Variants in CSDE1 observed in about 807,000 individuals in gnomAD.
CSDE1 encodes cold shock domain containing E1.
A neutral mutation model predicts 89.3 loss-of-function variants in CSDE1; 17 were observed. The observed-to-expected ratio is 0.19, with a 90% CI of 0.13 to 0.29. The LOEUF (loss-of-function observed/expected upper bound fraction) is 0.29. Ranked by LOEUF, CSDE1 falls within the 10% of genes least tolerant of loss-of-function variation. CSDE1 has a pLI of 1.00. For synonymous variants in CSDE1, 322 were observed against 332.8 expected (o/e 0.97, Z 0.35); for missense variants, 672 against 984.2 (o/e 0.68, Z 4.24).
intron 1 of CSDE1, among the ~76,000 whole-genome samples, chr1:114,751,044 A>G (rs1376920701): frequency 1.3e-5 from 2 of 152,200 alleles, no homozygotes; most frequent in Non-Finnish European, 2.9e-5. Flanking sequence ...GGTGTAGCGG[A>G]GCCCGATTAT....
chr1:114,753,996 T>C lies in CSDE1; in HGVS notation c.-387-3789A>G, dbSNP rs570721363. Reference sequence around the variant, plus strand: ...AATTTAAATGTGTATCTGAGAATCATACTGTGTGCTAAGTAATCAACTCCT... The same window carrying C: ...AATTTAAATGTGTATCTGAGAATCACACTGTGTGCTAAGTAATCAACTCCT... On this transcript the variant is annotated intron_variant, in intron 1 of 19. Transcript: ENST00000358528. Among the ~76,000 whole-genome samples, 6 of 152,344 alleles carry C rather than the reference T, an allele frequency of 3.9e-5. No homozygotes were observed. In the East Asian group the frequency reaches 9.6e-4, roughly 24 times the overall value.
chr1:114,727,271 C>T (rs551411995), intron 12 of CSDE1, among the ~76,000 whole-genome samples, 181 bp from the exon 13 acceptor site: 99 of 152,306 alleles, frequency 6.5e-4, no homozygotes, highest in African/African-American at 2.3e-3. Flanking sequence ...TTAAGCCTAG[C>T]TCAGTCTGCT....
At chr1:114,753,954 TAA>T (rs1661450451) in intron 1 of CSDE1, among the ~76,000 whole-genome samples, 1 of 152,100 alleles carries the variant, frequency 6.6e-6, no homozygotes, top group Non-Finnish European at 1.5e-5. Context: ...AGGGTACCAA[TAA>T]AAACACTAGG....
intron 19 of CSDE1, 40 bp downstream of exon 19, chr1:114,718,573 C>T: frequency 6.3e-7 from 1 of 1,597,394 alleles, no homozygotes; most frequent in Non-Finnish European, 8.5e-7. Flanking sequence ...TTATGTTGGT[C>T]TATCAGTTGG....
intron 2 of CSDE1, among the ~76,000 whole-genome samples, chr1:114,745,456 A>C (rs1364662869): frequency 6.6e-6 from 1 of 152,222 alleles, no homozygotes; most frequent in Non-Finnish European, 1.5e-5. Flanking sequence ...GTATGATTTC[A>C]AATGTATTTA....
At position 114,725,316 on chromosome 1, in the gene CSDE1, A is replaced by G. The variant is rs1161220398; in HGVS notation, c.1658T>C (p.Val553Ala). Reference protein sequence around the residue: ...FFHYSEFSGDVDSLELGDMVE... With the variant: ...FFHYSEFSGDADSLELGDMVE... ...CATGTCCCCCAGTTCCAGGCTATCA[A>G]CATCACCAGAGAACTCACTAAGGAG... is the stretch of plus-strand genomic sequence containing the variant. The change falls in exon 15 of 20, where the codon GTT (valine) becomes GCT (alanine). Residue 553 changes from valine (V) to alanine (A), a missense_variant. Around this residue, in one of 8 missense-constraint regions of CSDE1, gnomAD observed 206 missense variants for 332.4 expected, o/e 0.62. Transcript: ENST00000358528. 2 of 1,613,920 alleles carry G rather than the reference A, an allele frequency of 1.2e-6. No individual in the cohort carries two copies. The highest frequency in any genetic ancestry group is 1.3e-5 in the African/African-American group (1 of 74,936).
chr1:114,746,381 C>G (rs577356913), intron 2 of CSDE1, among the ~76,000 whole-genome samples: 1 of 152,084 alleles, frequency 6.6e-6, no homozygotes, highest in Non-Finnish European at 1.5e-5. Flanking sequence ...ATCAGGTTTT[C>G]TTTCAGTTCC....
chr1:114,725,120 A>G, intron 15 of CSDE1, 101 bp downstream of exon 15: 1 of 886,202 alleles, frequency 1.1e-6, no homozygotes, highest in South Asian at 1.4e-5. Flanking sequence ...CGCACATGAG[A>G]ATGACTGATG....
chr1:114,719,931 A>G (rs1448300844), intron 17 of CSDE1, among the ~76,000 whole-genome samples, 189 bp from the exon 18 acceptor site: 2 of 152,216 alleles, frequency 1.3e-5, no homozygotes, highest in African/African-American at 4.8e-5. Flanking sequence ...CTATATCACA[A>G]ACTTGAACCA....
chr1:114,748,103 A>C (rs1305534885), intron 2 of CSDE1, among the ~76,000 whole-genome samples: 2 of 152,260 alleles, frequency 1.3e-5, no homozygotes, highest in African/African-American at 2.4e-5. Context: ...TTAGTTGTTA[A>C]GGAATAATTC....
intron 9 of CSDE1, 111 bp downstream of exon 9, chr1:114,733,621 G>T (rs1173045484): frequency 1.2e-6 from 1 of 855,104 alleles, no homozygotes; most frequent in Non-Finnish European, 1.7e-6. Context: ...GTCCTTAGTT[G>T]TTCCACTACC....
At chr1:114,724,762 C>T (rs1045805427) in intron 15 of CSDE1, among the ~76,000 whole-genome samples, 31 of 151,934 alleles carry the variant, frequency 2.0e-4, no homozygotes, top group African/African-American at 7.5e-4. Context: ...GCTCTGTCAC[C>T]CAGGTTGGAG....
chr1:114,731,796 T>C (rs1660114824), intron 10 of CSDE1, among the ~76,000 whole-genome samples: 1 of 152,194 alleles, frequency 6.6e-6, no homozygotes, highest in South Asian at 2.1e-4. Flanking sequence ...TGTTAAACCT[T>C]CTTAAAACAT....
chr1:114,745,080 C>T (rs7555948), intron 2 of CSDE1, among the ~76,000 whole-genome samples: 30,763 of 151,838 alleles, frequency 0.2, 3,570 homozygotes, highest in Non-Finnish European at 0.25. Flanking sequence ...CTAGCAAAGA[C>T]GTAAGATTTT....
Position 114,734,082 on chromosome 1 carries a change from TACA to T in CSDE1, c.615_617del (p.Val206del), listed in dbSNP as rs762994128. 6.2e-7 allele frequency: 1 copy of T among 1,612,748 alleles called. No homozygotes were observed. Among genetic ancestry groups the T allele is most frequent in the Non-Finnish European group, 8.5e-7 (1 of 1,179,886 alleles). On this transcript the variant is annotated inframe_deletion, in exon 8 of 20. Transcript: ENST00000358528. Reference sequence around the variant, plus strand: ...CACTATAGTGAAAGAATATCTCTTTTACAACATCACCTCTTTCAATAAAGCCAA... The same window carrying T: ...CACTATAGTGAAAGAATATCTCTTTTACATCACCTCTTTCAATAAAGCCAA...
chr1:114,741,654 A>T, intron 2 of CSDE1: 2 of 1,544,676 alleles, frequency 1.3e-6, no homozygotes, highest in Non-Finnish European at 1.8e-6. Context: ...CACAGTAAAA[A>T]CGTTCTCCAT....
In CSDE1 at chr1:114,719,611, G is replaced by C; in HGVS notation, c.2184C>G (p.Gly728=). The change falls in exon 18 of 20, where the codon GGC becomes GGG. Residue 728 remains glycine, a synonymous_variant. Transcript: ENST00000358528. ...EFSVILNQRT[G]KCSACNVWRV... The stretch of plus-strand genomic sequence containing the variant: ...GCCAAACATTACAGGCGCTGCACTT[G>C]CCAGTGCGCTGATTAAGAATCACTG... 6.2e-7 allele frequency: 1 copy of C among 1,613,988 alleles called. No homozygotes were observed. Among genetic ancestry groups the C allele is most frequent in the Middle Eastern group, 1.7e-4 (1 of 6,060 alleles).
chr1:114,740,040 A>G, intron 2 of CSDE1, 150 bp from the exon 3 acceptor site: 1 of 582,882 alleles, frequency 1.7e-6, no homozygotes, highest in Non-Finnish European at 3.0e-6. Flanking sequence ...CTGCAGCATT[A>G]ATTTAGCTAA....
chr1:114,730,139 T>C (rs116268993), intron 12 of CSDE1, 119 bp downstream of exon 12: 3 of 1,150,428 alleles, frequency 2.6e-6, no homozygotes, highest in African/African-American at 1.6e-5. Flanking sequence ...ACTGTTAATA[T>C]GACAGAAATT....
Sources: gnomAD v4.1 joint callset for allele counts (sites outside exome capture counted in the v4.1 genomes callset) on GRCh38, gnomAD v4.1.1 for gene constraint, gnomAD v4.1.1 regional missense constraint, MANE v1.5 for transcripts, NCBI Gene and HGNC (gene_info 2026-07-23, HGNC 2026-07-21) for gene names.